ATP13A5: variants seen among roughly 807,000 people sequenced by gnomAD.
The protein encoded by ATP13A5 is ATPase 13A5.
Under a neutral mutation model 150.2 loss-of-function variants are expected in ATP13A5, and 149 were observed. The observed-to-expected ratio is 0.99, with a 90% CI of 0.87 to 1.14. The LOEUF (loss-of-function observed/expected upper bound fraction) is 1.14. Ranked by LOEUF, ATP13A5 falls within the 50% of genes most tolerant of loss-of-function variation. The probability of loss-of-function intolerance (pLI) is 0.00; values close to 1 mark genes in which losing one functional copy is unlikely to be tolerated. For missense variants in ATP13A5, 1,383 were observed against 1,449.3 expected (o/e 0.95, Z 0.74); for synonymous variants, 497 against 522.2 (o/e 0.95, Z 0.66).
Position 193,362,596 on chromosome 3 carries a change from G to T in ATP13A5, c.426C>A (p.Asn142Lys). 1 of 1,614,170 alleles carries T rather than the reference G, an allele frequency of 6.2e-7. No individual in the cohort carries two copies. Among genetic ancestry groups the T allele is most frequent in the South Asian group, 1.1e-5 (1 of 91,080 alleles). ...MEVQKIRYVW[N>K]DLEKRFQKVG... Reference sequence around the variant, plus strand: ...CTTTCTGAAACCGCTTCTCCAGGTCGTTCCAAACATACCTGATTTTCTGCA... The same window carrying T: ...CTTTCTGAAACCGCTTCTCCAGGTCTTTCCAAACATACCTGATTTTCTGCA... Residue 142 changes from asparagine (N) to lysine (K), a missense_variant, in exon 4 of 30, where the codon AAC (asparagine) becomes AAA (lysine). Coordinates refer to ENST00000342358, the MANE Select transcript of ATP13A5 (RefSeq NM_198505.4).
chr3:193,374,485 T>A (rs895456776), intron 1 of ATP13A5, among the ~76,000 whole-genome samples: 1 of 152,132 alleles, frequency 6.6e-6, no homozygotes, highest in South Asian at 2.1e-4. Flanking sequence ...TCTACTGAAA[T>A]TTTTAAAAAA....
chr3:193,337,231 C>T (rs1333755291), intron 9 of ATP13A5, among the ~76,000 whole-genome samples: 1 of 152,110 alleles, frequency 6.6e-6, no homozygotes, highest in Non-Finnish European at 1.5e-5. Context: ...TGCAGAAGCT[C>T]TTTAGTTTAA....
At chr3:193,369,986 C>G (rs187651016) in intron 1 of ATP13A5, among the ~76,000 whole-genome samples, 2 of 152,086 alleles carry the variant, frequency 1.3e-5, no homozygotes, top group African/African-American at 4.8e-5. Context: ...GGATCAAGAC[C>G]GGTAATAGAA....
At chr3:193,276,121 T>C (rs189409797) in intron 29 of ATP13A5, among the ~76,000 whole-genome samples, 66 of 152,276 alleles carry the variant, frequency 4.3e-4, no homozygotes, top group Admixed American at 1.0e-3. Flanking sequence ...TTTAAACATA[T>C]ATAATGAGGT....
rs776380026 is a variant in ATP13A5, at chr3:193,364,229, C to A, written c.115G>T (p.Ala39Ser). 1.9e-6 allele frequency: 3 copies of A among 1,613,982 alleles called. No homozygotes were observed. The highest frequency in any genetic ancestry group is 2.5e-6 in the Non-Finnish European group (3 of 1,179,966). The change falls in exon 2 of 30, where the codon GCA (alanine) becomes TCA (serine). Residue 39 changes from alanine to serine, a missense_variant. Physicochemically the swap from Ala to Ser is moderately conservative, Grantham distance 99. This residue lies in a region of ATP13A5 where 787 missense variants were observed against 771.9 expected (regional missense o/e 1.02). Coordinates refer to ENST00000342358, the MANE Select transcript of ATP13A5 (RefSeq NM_198505.4). ...HNVRKAFCLV[A>S]SVLTCGGLLL... is the part of the protein sequence containing the mutation. Reference sequence around the variant, plus strand: ...AGGCCCCCACAGGTCAGCACGGATGCGACAAGGCAGAAGGCTTTCCGTACA... The same window carrying A: ...AGGCCCCCACAGGTCAGCACGGATGAGACAAGGCAGAAGGCTTTCCGTACA...
At chr3:193,364,476 G>A (rs1368492568) in intron 1 of ATP13A5, among the ~76,000 whole-genome samples, 196 bp from the exon 2 acceptor site, 1 of 151,978 alleles carries the variant, frequency 6.6e-6, no homozygotes, top group African/African-American at 2.4e-5. Flanking sequence ...TTACTACCCT[G>A]GTATATGGAA....
intron 23 of ATP13A5, among the ~76,000 whole-genome samples, chr3:193,303,294 T>C (rs1487302217): frequency 6.6e-6 from 1 of 152,162 alleles, no homozygotes; most frequent in East Asian, 1.9e-4. Context: ...TCTCACCCAT[T>C]TTTCAAGTTG....
chr3:193,326,877 C>T (rs992175825), intron 13 of ATP13A5, 119 bp downstream of exon 13: 63 of 852,454 alleles, frequency 7.4e-5, no homozygotes, highest in Non-Finnish European at 1.1e-4. Context: ...GAACTAGTTC[C>T]AGCCAACTAT....
At chr3:193,340,822 T>C (rs962742774) in intron 9 of ATP13A5, among the ~76,000 whole-genome samples, 1 of 152,200 alleles carries the variant, frequency 6.6e-6, no homozygotes, top group Non-Finnish European at 1.5e-5. Context: ...ACTTTCATGT[T>C]TTCTGTCTCT....
chr3:193,310,597 GAGTTAAT>G, intron 21 of ATP13A5, 34 bp downstream of exon 21: 1 of 1,490,026 alleles, frequency 6.7e-7, no homozygotes, highest in South Asian at 1.2e-5. Context: ...TAGGTAGCAA[GAGTTAAT>G]GAGCACACTC....
chr3:193,283,976 G>C (rs1577323276), intron 27 of ATP13A5, among the ~76,000 whole-genome samples: 1 of 148,566 alleles, frequency 6.7e-6, no homozygotes, highest in Admixed American at 6.9e-5. Flanking sequence ...CAGTAATGAT[G>C]GGGCATATTC....
At chr3:193,316,959 T>C (rs1719073837) in intron 17 of ATP13A5, among the ~76,000 whole-genome samples, 1 of 152,202 alleles carries the variant, frequency 6.6e-6, no homozygotes, top group Non-Finnish European at 1.5e-5. Flanking sequence ...CTTCTTGATA[T>C]TGGTCTTGGC....
chr3:193,366,229 C>A (rs1457597877), intron 1 of ATP13A5, among the ~76,000 whole-genome samples: 11 of 151,938 alleles, frequency 7.2e-5, no homozygotes, highest in African/African-American at 2.7e-4. Context: ...CAAGAAGCAA[C>A]ATTATGAAAT....
At chr3:193,375,349 A>G (rs1560156635) in intron 1 of ATP13A5, among the ~76,000 whole-genome samples, 1 of 152,192 alleles carries the variant, frequency 6.6e-6, no homozygotes, top group African/African-American at 2.4e-5. Flanking sequence ...ATCCCATTCC[A>G]TTAAGTATGG....
At chr3:193,340,536 T>C (rs751706328) in intron 9 of ATP13A5, among the ~76,000 whole-genome samples, 2 of 152,166 alleles carry the variant, frequency 1.3e-5, no homozygotes, top group Non-Finnish European at 2.9e-5. Flanking sequence ...AATCCCTGCA[T>C]GTCCAACTCA....
intron 9 of ATP13A5, among the ~76,000 whole-genome samples, chr3:193,343,303 A>G (rs1712199376): frequency 6.6e-6 from 1 of 152,202 alleles, no homozygotes; most frequent in Admixed American, 6.5e-5. Flanking sequence ...CTTACTAATT[A>G]AACAAATTCA....
rs528074830 is a variant in ATP13A5, at chr3:193,292,027, C to T, written c.2849-1968G>A. 5.9e-5 allele frequency among the ~76,000 whole-genome samples: 9 copies of T among 152,162 alleles called. No individual in the cohort carries two copies. In the South Asian group the frequency reaches 1.5e-3, roughly 25 times the overall value. The stretch of plus-strand genomic sequence containing the variant: ...AACTAATCAGAAGTTCAGGTGGTAT[C>T]GAGAGCCCCACACCTGTGGCTGGTG... On this transcript the variant is annotated intron_variant, in intron 25 of 29. Transcript: ENST00000342358.
chr3:193,319,984 C>CA (rs1187637070), intron 16 of ATP13A5, among the ~76,000 whole-genome samples: 1 of 152,188 alleles, frequency 6.6e-6, no homozygotes, highest in Non-Finnish European at 1.5e-5. Flanking sequence ...AAAAGTTTGC[C>CA]AAATCCTGCT....
intron 7 of ATP13A5, among the ~76,000 whole-genome samples, chr3:193,347,434 T>C (rs1577363139): frequency 6.6e-6 from 1 of 152,238 alleles, no homozygotes; most frequent in African/African-American, 2.4e-5. Flanking sequence ...CATCTGACTC[T>C]AAAACCTTTT....
Sources: allele counts gnomAD v4.1 joint callset (sites outside exome capture counted in the v4.1 genomes callset), GRCh38; gene constraint gnomAD v4.1.1; regional missense constraint gnomAD v4.1.1; transcripts MANE v1.5; gene names NCBI Gene and HGNC (gene_info 2026-07-23, HGNC 2026-07-21).